The following KCTD2 variants were observed in gnomAD, a reference collection of about 807,000 sequenced individuals.
The protein encoded by KCTD2 is potassium channel tetramerization domain containing 2.
In KCTD2, 18 loss-of-function variants were observed where a neutral mutation model predicts 27.9. The observed-to-expected ratio is 0.64, with a 90% CI of 0.45 to 0.96. The LOEUF (loss-of-function observed/expected upper bound fraction) is 0.96. Ranked by LOEUF, KCTD2 falls within the 40% of genes least tolerant of loss-of-function variation. The pLI is 0.00. For missense variants in KCTD2, 280 were observed against 348.0 expected (o/e 0.80, Z 1.56); for synonymous variants, 175 against 148.4 (o/e 1.18, Z -1.30).
intron 4 of KCTD2, chr17:75,060,638 G>A (rs544595236): frequency 2.1e-5 from 33 of 1,565,918 alleles, no homozygotes; most frequent in Non-Finnish European, 2.4e-5. Flanking sequence ...GGCGCGTGGC[G>A]AGTGGGCCCG....
At chr17:75,034,451 C>T (rs952326134) in intron 2 of KCTD2, among the ~76,000 whole-genome samples, 10 of 152,182 alleles carry the variant, frequency 6.6e-5, no homozygotes, top group Admixed American at 5.9e-4. Context: ...GGGACTCGAA[C>T]CCACAATCCC....
intron 4 of KCTD2, among the ~76,000 whole-genome samples, chr17:75,060,213 G>A (rs1430749465): frequency 1.3e-5 from 2 of 152,096 alleles, no homozygotes; most frequent in East Asian, 3.8e-4. Context: ...GAAGGCCAGA[G>A]CGAATAGAGT....
intron 2 of KCTD2, among the ~76,000 whole-genome samples, chr17:75,034,460 C>G (rs1011782997): frequency 6.6e-6 from 1 of 152,168 alleles, no homozygotes; most frequent in Admixed American, 6.5e-5. Flanking sequence ...ACCCACAATC[C>G]CTGGCTTAGG....
At chr17:75,043,471 G>A (rs1031436562), upstream of KCTD2, among the ~76,000 whole-genome samples, 5 of 152,022 alleles carry the variant, frequency 3.3e-5, no homozygotes, top group African/African-American at 1.2e-4. Flanking sequence ...AAATTAGCCG[G>A]GCGTGATGGC....
At chr17:75,049,403 T>C in intron 2 of KCTD2, 75 bp downstream of exon 2, 1 of 980,216 alleles carries the variant, frequency 1.0e-6, no homozygotes, top group Non-Finnish European at 1.6e-6. Context: ...GATTTCAATT[T>C]TGTTTGACAT....
upstream of KCTD2, among the ~76,000 whole-genome samples, chr17:75,043,837 T>C (rs910588899): frequency 1.8e-4 from 27 of 152,268 alleles, no homozygotes; most frequent in African/African-American, 6.3e-4. Flanking sequence ...ATGTGTACAA[T>C]GGGCATTATC....
chr17:75,038,967 G>A, intron 3 of KCTD2: 2 of 1,614,128 alleles, frequency 1.2e-6, no homozygotes, highest in Non-Finnish European at 1.7e-6. Flanking sequence ...GGCCAATAGG[G>A]ATACTTTTTC....
upstream of KCTD2, among the ~76,000 whole-genome samples, chr17:75,043,223 A>G (rs2073178853): frequency 6.6e-6 from 1 of 152,236 alleles, no homozygotes; most frequent in African/African-American, 2.4e-5. Flanking sequence ...TCCGTCTCAA[A>G]AAGAAAAGGA....
intron 1 of KCTD2, chr17:75,048,985 T>C (rs1167902861): frequency 2.7e-6 from 1 of 367,626 alleles, no homozygotes; most frequent in Non-Finnish European, 4.9e-6. Flanking sequence ...TGAGTATGAC[T>C]GTCTGTAACA....
At chr17:75,052,983 C>G in intron 2 of KCTD2, 31 bp from the exon 3 acceptor site, 3 of 1,558,008 alleles carry the variant, frequency 1.9e-6, no homozygotes, top group Non-Finnish European at 2.7e-6. Flanking sequence ...ACCCTCGCAC[C>G]TATCTGACTG....
chr17:75,047,698 G>C, intron 1 of KCTD2, 109 bp downstream of exon 1: 3 of 1,137,266 alleles, frequency 2.6e-6, no homozygotes, highest in Non-Finnish European at 3.6e-6. Flanking sequence ...CCCTCAGGCC[G>C]GGACCCCATC....
In KCTD2 at chr17:75,063,856, C is replaced by T. The variant is rs2073429687; in HGVS notation, c.*809C>T. 6.5e-6 allele frequency: 1 copy of T among 152,736 alleles called. No individual in the cohort carries two copies. Among genetic ancestry groups the T allele is most frequent in the Admixed American group, 6.5e-5 (1 of 15,276 alleles). 9.5% of individuals were successfully genotyped at this position (152,736 alleles called of 1,614,324 possible). A position where few individuals can be genotyped will look rare whatever the true frequency, so the allele number is the denominator to read the frequency against. ...ACTGCACCTGCAGCCTCTTCTTACTCCCCATTGACCCTGTCTTCCTTCCCT... is the reference window on the plus strand; with the variant it reads ...ACTGCACCTGCAGCCTCTTCTTACTTCCCATTGACCCTGTCTTCCTTCCCT... On this transcript the variant is annotated 3_prime_UTR_variant, in exon 6 of 6. Transcript: ENST00000322444.
At chr17:75,062,023 C>T (rs560253578) in intron 4 of KCTD2, 97 bp from the exon 5 acceptor site, 1 of 1,430,824 alleles carries the variant, frequency 7.0e-7, no homozygotes. Context: ...CCTTTGATAA[C>T]TTAAAAGTTC....
intron 3 of KCTD2, chr17:75,038,844 G>T: frequency 7.0e-7 from 1 of 1,428,144 alleles, no homozygotes; most frequent in Non-Finnish European, 9.4e-7. Context: ...CAACCACAGA[G>T]AAGAAGCACA....
In KCTD2 at chr17:75,040,258, G is replaced by A. The variant is rs547431296; in HGVS notation, c.-259+4901G>A. ...AATACACCCAGGAGCTCAAAGGGCT[G>A]GAAGCTACGAATCCTTAAAGGTCAT... On this transcript the variant is annotated intron_variant, in intron 3 of 7. Transcript: ENST00000581589. The A allele has an allele frequency of 6.9e-6, 10 of 1,446,078 alleles. 1 individual carries two copies. In the South Asian group the frequency reaches 1.0e-4, roughly 15 times the overall value. 89.6% of individuals were successfully genotyped at this position (1,446,078 alleles called of 1,614,324 possible).
intron 3 of KCTD2, among the ~76,000 whole-genome samples, chr17:75,037,144 AC>A (rs1040161890): frequency 9.9e-5 from 15 of 152,146 alleles, no homozygotes; most frequent in African/African-American, 3.1e-4. Flanking sequence ...GGAGATCGAG[AC>A]CGTCCTGCCT....
rs1403740199 is a variant in KCTD2, at chr17:75,064,585, C to T, written c.*1538C>T. 1 of 152,080 alleles carries T rather than the reference C, an allele frequency of 6.6e-6. No homozygotes were observed. The highest frequency in any genetic ancestry group is 1.5e-5 in the Non-Finnish European group (1 of 67,992). The allele number at this position is 152,080 out of a possible 1,614,324, so 9.4% of individuals were successfully genotyped here. On this transcript the variant is annotated 3_prime_UTR_variant, in exon 6 of 6. Transcript: ENST00000322444. ...AGATGGCATAACTTTTCCCTAGGAC[C>T]CTCAGTCTCCTTGTTTCTCTGTATC...
At chr17:75,042,250 T>G (rs1317801097), upstream of KCTD2, 1 of 1,614,206 alleles carries the variant, frequency 6.2e-7, no homozygotes, top group Non-Finnish European at 8.5e-7. Context: ...AGTCGATAGC[T>G]GGTGGATTCT....
upstream of KCTD2, among the ~76,000 whole-genome samples, chr17:75,045,191 G>C (rs539992751): frequency 7.2e-5 from 11 of 152,264 alleles, no homozygotes; most frequent in South Asian, 2.1e-3. Context: ...TTTCAAAAGG[G>C]GAGGGAGTAT....
Sources: gnomAD v4.1 joint callset for allele counts (sites outside exome capture counted in the v4.1 genomes callset) on GRCh38, gnomAD v4.1.1 for gene constraint, MANE v1.5 for transcripts, NCBI Gene and HGNC (gene_info 2026-07-23, HGNC 2026-07-21) for gene names.